Variants in UST observed in about 807,000 individuals in gnomAD.
UST encodes the protein uronyl 2-sulfotransferase.
In UST, 21 loss-of-function variants were observed where a neutral mutation model predicts 45.6. That is an observed-to-expected ratio of 0.46 (90% CI 0.33 to 0.66). UST has a LOEUF of 0.66. UST is among the 30% of genes least tolerant of loss of function. The pLI is 0.02. For synonymous variants in UST, 215 were observed against 200.6 expected (o/e 1.07, Z -0.61); for missense variants, 463 against 512.4 (o/e 0.90, Z 0.93).
At chr6:149,069,197 G>A (rs1028692469) in intron 7 of UST, among the ~76,000 whole-genome samples, 60 of 152,142 alleles carry the variant, frequency 3.9e-4, no homozygotes, top group African/African-American at 1.4e-3. Context: ...CAGTAAACAC[G>A]TGAGCATGCA....
intron 1 of UST, among the ~76,000 whole-genome samples, chr6:148,881,094 G>A (rs1256863648): frequency 1.3e-5 from 2 of 151,980 alleles, no homozygotes; most frequent in East Asian, 3.8e-4. Flanking sequence ...TTCTATCAAT[G>A]TATAGAGTAT....
At chr6:149,003,256 C>T (rs1781586243) in intron 5 of UST, among the ~76,000 whole-genome samples, 1 of 152,136 alleles carries the variant, frequency 6.6e-6, no homozygotes. Flanking sequence ...ATGAAGTTTA[C>T]CTTGCATTTC....
intron 6 of UST, 49 bp downstream of exon 6, chr6:149,019,285 A>G: frequency 7.0e-7 from 1 of 1,427,542 alleles, no homozygotes; most frequent in Middle Eastern, 1.7e-4. Context: ...CAACAAGGGC[A>G]AGAACCCCAC....
intron 7 of UST, among the ~76,000 whole-genome samples, chr6:149,047,440 C>T (rs1029358325): frequency 6.6e-6 from 1 of 152,192 alleles, no homozygotes; most frequent in African/African-American, 2.4e-5. Flanking sequence ...CACTAAGGCT[C>T]ATTAGTCAGA....
intron 1 of UST, among the ~76,000 whole-genome samples, chr6:148,814,929 T>G (rs560641998): frequency 6.6e-6 from 1 of 152,326 alleles, no homozygotes; most frequent in South Asian, 2.1e-4. Context: ...CCATTAATGA[T>G]GATAGCATGG....
chr6:149,037,115 G>C (rs890094112), intron 7 of UST, among the ~76,000 whole-genome samples: 1 of 152,150 alleles, frequency 6.6e-6, no homozygotes, highest in Non-Finnish European at 1.5e-5. Flanking sequence ...AAGGCCTCGG[G>C]GGGTGAGCAC....
intron 1 of UST, among the ~76,000 whole-genome samples, chr6:148,870,607 C>G (rs1182801181): frequency 2.0e-5 from 3 of 152,168 alleles, no homozygotes; most frequent in African/African-American, 7.2e-5. Flanking sequence ...CTGTCAGCGT[C>G]CCTCTTTTCT....
intron 5 of UST, among the ~76,000 whole-genome samples, chr6:148,985,394 AACAACAAC>A (rs1401104108): frequency 3.9e-4 from 26 of 66,472 alleles, no homozygotes; most frequent in African/African-American, 1.0e-3. Context: ...GCAAAACAAC[AACAACAAC>A]AACAACAAAA....
intron 5 of UST, among the ~76,000 whole-genome samples, chr6:149,014,679 G>T (rs1775868188): frequency 1.3e-5 from 2 of 152,170 alleles, no homozygotes; most frequent in Admixed American, 6.5e-5. Flanking sequence ...CTGCTATTGA[G>T]ACTAGGTGAG....
intron 1 of UST, among the ~76,000 whole-genome samples, chr6:148,871,117 CCTCT>C (rs749134391): frequency 3.1e-5 from 3 of 97,586 alleles, no homozygotes; most frequent in African/African-American, 4.6e-5. Context: ...GCATTCTCTC[CCTCT>C]CTCTCTCTCT....
intron 1 of UST, among the ~76,000 whole-genome samples, chr6:148,758,884 G>A (rs1420732538): frequency 6.6e-6 from 1 of 152,192 alleles, no homozygotes; most frequent in African/African-American, 2.4e-5. Flanking sequence ...CCCTGACCTT[G>A]TCATCCAGCA....
chr6:148,972,594 G>A (rs951490904), intron 5 of UST, among the ~76,000 whole-genome samples: 2 of 152,236 alleles, frequency 1.3e-5, no homozygotes, highest in African/African-American at 4.8e-5. Context: ...TCAGGAGCAC[G>A]CACCGCAAGG....
chr6:148,887,155 T>C lies in UST; in HGVS notation c.291+126T>C, dbSNP rs113630134. 2,756 of 757,174 alleles carry C rather than the reference T, an allele frequency of 3.6e-3. 69 individuals are homozygous for C. The African/African-American group carries it at 0.042, about 12-fold the overall frequency. 46.9% of individuals were successfully genotyped at this position (757,174 alleles called of 1,614,324 possible). A position where few individuals can be genotyped will look rare whatever the true frequency, so the allele number is the denominator to read the frequency against. On this transcript the variant is annotated intron_variant, in intron 2 of 7. Coordinates refer to ENST00000367463, the MANE Select transcript of UST (RefSeq NM_005715.3). Reference sequence around the variant, plus strand: ...GAAACAGTAGATGACATATGTGAAATTGATGTTTAACTTCTAACAAGGAGG... The same window carrying C: ...GAAACAGTAGATGACATATGTGAAACTGATGTTTAACTTCTAACAAGGAGG...
chr6:148,975,298 A>G (rs998696183), intron 5 of UST, among the ~76,000 whole-genome samples: 11 of 152,188 alleles, frequency 7.2e-5, no homozygotes, highest in African/African-American at 2.7e-4. Context: ...ATGTAACTTG[A>G]TAATAGAATA....
intron 1 of UST, among the ~76,000 whole-genome samples, chr6:148,877,658 TGC>T (rs202232450): frequency 1.1e-3 from 79 of 75,044 alleles, no homozygotes; most frequent in African/African-American, 1.9e-3. Flanking sequence ...CGTGTATGAG[TGC>T]GAGGGGTCAT....
chr6:148,925,651 A>C (rs1779800405), intron 2 of UST, among the ~76,000 whole-genome samples: 1 of 152,226 alleles, frequency 6.6e-6, no homozygotes, highest in South Asian at 2.1e-4. Context: ...TAAATTCCTG[A>C]AAAATAAAAT....
At chr6:149,025,477 G>T (rs1019538849) in intron 7 of UST, among the ~76,000 whole-genome samples, 2 of 152,164 alleles carry the variant, frequency 1.3e-5, no homozygotes, top group African/African-American at 4.8e-5. Context: ...CAGCCGGTGC[G>T]CAGCTGCTGA....
At chr6:148,971,648 G>A (rs1780921573) in intron 5 of UST, among the ~76,000 whole-genome samples, 1 of 152,202 alleles carries the variant, frequency 6.6e-6, no homozygotes, top group Admixed American at 6.5e-5. Flanking sequence ...AGGGAACACA[G>A]CACGGAGGAA....
chr6:148,999,640 CT>C (rs1161323659), intron 5 of UST, among the ~76,000 whole-genome samples: 4 of 139,222 alleles, frequency 2.9e-5, no homozygotes, highest in African/African-American at 9.9e-5. Flanking sequence ...GTGCATTGTC[CT>C]TTACCCTCTG....
Sources: allele counts gnomAD v4.1 joint callset (sites outside exome capture counted in the v4.1 genomes callset), GRCh38; gene constraint gnomAD v4.1.1; transcripts MANE v1.5; gene names NCBI Gene and HGNC (gene_info 2026-07-23, HGNC 2026-07-21).